The following ZDHHC23 variants were observed in gnomAD, a reference collection of about 807,000 sequenced individuals.
ZDHHC23 encodes the protein zDHHC palmitoyltransferase 23, also known as palmitoyltransferase ZDHHC23.
A neutral mutation model predicts 40.2 loss-of-function variants in ZDHHC23; 41 were observed. That is an observed-to-expected ratio of 1.02 (90% CI 0.79 to 1.32). The LOEUF is 1.32. Among genes scored for constraint, ZDHHC23 ranks in the 40% most tolerant of loss-of-function variants. ZDHHC23 has a pLI of 0.00. For synonymous variants in ZDHHC23, 204 were observed against 210.2 expected (o/e 0.97, Z 0.26); for missense variants, 471 against 541.5 (o/e 0.87, Z 1.29).
rs369800208 is a variant in ZDHHC23 at position 113,959,219 on chromosome 3, A to G, written c.*589A>G. ...TTTATAGTCTAGAATATTGAAGCCA[A>G]TATTATTAGGGTAATCAGTTTTCAG... On this transcript the variant is annotated 3_prime_UTR_variant, in exon 5 of 5. Coordinates refer to ENST00000638807, the MANE Select transcript of ZDHHC23 (RefSeq NM_001320466.2). 9.4e-7 allele frequency: 1 copy of G among 1,065,676 alleles called. No homozygotes were observed. Among genetic ancestry groups the G allele is most frequent in the Admixed American group, 4.5e-5 (1 of 22,402 alleles). 66.0% of individuals were successfully genotyped at this position (1,065,676 alleles called of 1,614,324 possible).
chr3:113,955,980 A>C (rs1939190368), intron 3 of ZDHHC23, among the ~76,000 whole-genome samples: 1 of 152,224 alleles, frequency 6.6e-6, no homozygotes. Context: ...GCAGTGGCTC[A>C]TGCCTGTAAT....
chr3:113,959,937 T>C lies in ZDHHC23; in HGVS notation c.*1307T>C, dbSNP rs1939571460. 2 of 997,218 alleles carry C rather than the reference T, an allele frequency of 2.0e-6. No individual in the cohort carries two copies. Among genetic ancestry groups the C allele is most frequent in the Non-Finnish European group, 2.4e-6 (2 of 834,124 alleles). 61.8% of individuals were successfully genotyped at this position (997,218 alleles called of 1,614,324 possible). A position where few individuals can be genotyped will look rare whatever the true frequency, so the allele number is the denominator to read the frequency against. On this transcript the variant is annotated 3_prime_UTR_variant, in exon 5 of 5. Coordinates refer to ENST00000638807, the MANE Select transcript of ZDHHC23 (RefSeq NM_001320466.2). The stretch of plus-strand genomic sequence containing the variant: ...AAATGTATAAAAGATTAAATATTTA[T>C]GTACAATGGGTTGTTCTACTATAGA...
At chr3:113,978,933 C>T in the ZDHHC23 span, 1 of 1,613,950 alleles carries the variant, frequency 6.2e-7, no homozygotes, top group Non-Finnish European at 8.5e-7. Flanking sequence ...TCTTTCTAGC[C>T]AGACTTTCCT....
rs775201921 is a variant in ZDHHC23, at chr3:113,958,657, G to C, written c.*27G>C. On this transcript the variant is annotated 3_prime_UTR_variant, in exon 5 of 5. Transcript: ENST00000638807. ...GTGCCTTCTATGTGGCTCTCTGAGG[G>C]ATGATGGCTCCTCCTTCCGTCTCCC... The C allele has an allele frequency of 6.3e-7, 1 of 1,593,632 alleles. No individual in the cohort carries two copies. Among genetic ancestry groups the C allele is most frequent in the East Asian group, 2.2e-5 (1 of 44,768 alleles).
At chr3:113,965,150 C>G (rs565629371), downstream of ZDHHC23, 20 of 1,584,758 alleles carry the variant, frequency 1.3e-5, no homozygotes, top group South Asian at 1.7e-4. Context: ...TTACACTAAT[C>G]TGGCTCATTC....
At position 113,956,441 on chromosome 3, in the gene ZDHHC23, C is replaced by T. The variant is rs1414436843; in HGVS notation, c.975C>T (p.Thr325=). The T allele has an allele frequency of 1.2e-6, 2 of 1,614,154 alleles. No homozygotes were observed. The highest frequency in any genetic ancestry group is 1.7e-6 in the Non-Finnish European group (2 of 1,180,038). ...ATGGGATCACACTGACCTTGGACAC[C>T]ATTTGTAGAGACAGAAGTGTCTTCA... ...SVYGITLTLD[T]ICRDRSVFTA... is the part of the protein sequence containing the mutation. The change falls in exon 4 of 5, where the codon ACC becomes ACT. Residue 325 remains threonine (T), a synonymous_variant. Transcript: ENST00000638807.
At position 113,962,316 on chromosome 3, in the gene ZDHHC23, C is replaced by T. The variant is rs570913528; in HGVS notation, c.*3686C>T. ...TATGTTGCTGATAGACAAGCATCCACGCTTCAGCTGGCACTAAGTGTTTTC... is the reference window on the plus strand; with the variant it reads ...TATGTTGCTGATAGACAAGCATCCATGCTTCAGCTGGCACTAAGTGTTTTC... On this transcript the variant is annotated 3_prime_UTR_variant, in exon 5 of 5. Transcript: ENST00000638807. The T allele has an allele frequency of 2.6e-5, 4 of 152,308 alleles. No homozygotes were observed. Among genetic ancestry groups the T allele is most frequent in the East Asian group, 3.9e-4 (2 of 5,180 alleles). The allele number at this position is 152,308 out of a possible 1,614,324, so 9.4% of individuals were successfully genotyped here.
At chr3:113,976,143 C>A in the ZDHHC23 span, among the ~76,000 whole-genome samples, 2 of 152,064 alleles carry the variant, frequency 1.3e-5, no homozygotes, top group East Asian at 3.9e-4. Flanking sequence ...CCGTTAATCC[C>A]AGCTACTTGG....
At chr3:113,955,261 T>C (rs1473345944) in intron 3 of ZDHHC23, among the ~76,000 whole-genome samples, 2 of 152,146 alleles carry the variant, frequency 1.3e-5, no homozygotes, top group East Asian at 3.8e-4. Flanking sequence ...CTCAAGTGCA[T>C]GGCTCAAGTG....
At chr3:113,953,666 T>C (rs747867634) in intron 2 of ZDHHC23, 34 bp from the exon 3 acceptor site, 4 of 1,565,774 alleles carry the variant, frequency 2.6e-6, no homozygotes, top group Non-Finnish European at 2.6e-6. Flanking sequence ...CAAACCCACA[T>C]GAAGTCCCTC....
chr3:113,971,646 T>A, the ZDHHC23 span, among the ~76,000 whole-genome samples: 3 of 152,194 alleles, frequency 2.0e-5, no homozygotes, highest in African/African-American at 7.2e-5. Flanking sequence ...TTTCTTATCA[T>A]GTCCTTGTTT....
chr3:113,948,994 C>A, intron 2 of ZDHHC23, 31 bp downstream of exon 2: 1 of 1,612,452 alleles, frequency 6.2e-7, no homozygotes, highest in Non-Finnish European at 8.5e-7. Context: ...GACGCTGGCC[C>A]CATCACCCTT....
At position 113,954,021 on chromosome 3, in the gene ZDHHC23, C is replaced by T. The variant is rs1938933723; in HGVS notation, c.483C>T (p.Val161=). 6.2e-6 allele frequency: 10 copies of T among 1,614,028 alleles called. No individual in the cohort carries two copies. Among genetic ancestry groups the T allele is most frequent in the African/African-American group, 1.3e-5 (1 of 74,904 alleles). Residue 161 remains valine, a synonymous_variant, in exon 3 of 5, where the codon GTC becomes GTT. Coordinates refer to ENST00000638807, the MANE Select transcript of ZDHHC23 (RefSeq NM_001320466.2). ...ACTATGTGTTCCTGCAGGAAGTGGT[C>T]CCCAAAGGGCGTGTGGGTCCCGTTC... ...YMYYVFLQEV[V]PKGRVGPVQL...
chr3:113,977,483 C>G, the ZDHHC23 span, among the ~76,000 whole-genome samples: 2 of 152,158 alleles, frequency 1.3e-5, no homozygotes, highest in African/African-American at 4.8e-5. Context: ...CTTACTTATA[C>G]AGAATACCTT....
chr3:113,966,092 A>C (rs1407304889), downstream of ZDHHC23, among the ~76,000 whole-genome samples: 2 of 152,158 alleles, frequency 1.3e-5, no homozygotes, highest in Non-Finnish European at 2.9e-5. Context: ...CGCAAAAATG[A>C]TGGAAAATTG....
In ZDHHC23 at chr3:113,953,919, C is replaced by T. The variant is rs142143790; in HGVS notation, c.381C>T (p.Tyr127=). 19 of 1,614,018 alleles carry T rather than the reference C, an allele frequency of 1.2e-5. No individual in the cohort carries two copies. The highest frequency in any genetic ancestry group is 1.6e-5 in the Non-Finnish European group (19 of 1,180,022). Reference sequence around the variant, plus strand: ...CCCTTCCTGTGCTGGCACTGTGGTACTACTACCTCACTCACAGAAGGAAAG... The same window carrying T: ...CCCTTCCTGTGCTGGCACTGTGGTATTACTACCTCACTCACAGAAGGAAAG... The part of the protein sequence containing the change: ...LTSLPVLALW[Y]YYLTHRRKEQ... The change falls in exon 3 of 5, where the codon TAC becomes TAT. Residue 127 remains tyrosine, a synonymous_variant. Transcript: ENST00000638807.
chr3:113,978,461 G>C, the ZDHHC23 span: 1 of 928,472 alleles, frequency 1.1e-6, no homozygotes, highest in South Asian at 1.8e-5. Context: ...ACAAAGAAAA[G>C]GATAACCTGG....
At position 113,954,086 on chromosome 3, in the gene ZDHHC23, T is replaced by C. The variant is rs956177291; in HGVS notation, c.548T>C (p.Leu183Ser). 2 of 1,614,194 alleles carry C rather than the reference T, an allele frequency of 1.2e-6. No individual in the cohort carries two copies. The highest frequency in any genetic ancestry group is 3.3e-5 in the Admixed American group (2 of 60,026). ...ACCTGCGGGTTATTTCTGATACTCT[T>C]AGCCTTGCACAGAGCCAAGAAGAAT... ...VLTCGLFLIL[L>S]ALHRAKKNPG... The change falls in exon 3 of 5, where the codon TTA (leucine) becomes TCA (serine). Residue 183 changes from leucine (L) to serine (S), a missense_variant. Physicochemically the swap from Leu to Ser is moderately radical, Grantham distance 145. Transcript: ENST00000638807.
At position 113,959,813 on chromosome 3, in the gene ZDHHC23, A is replaced by G; in HGVS notation, c.*1183A>G. ...TAACAGTATCTCACTAAGAGAGAAG[A>G]AACAGGGTATATGTGGTTTCCACTA... On this transcript the variant is annotated 3_prime_UTR_variant, in exon 5 of 5. Coordinates refer to ENST00000638807, the MANE Select transcript of ZDHHC23 (RefSeq NM_001320466.2). 1 of 1,052,170 alleles carries G rather than the reference A, an allele frequency of 9.5e-7. No individual in the cohort carries two copies. Among genetic ancestry groups the G allele is most frequent in the Non-Finnish European group, 1.2e-6 (1 of 861,958 alleles). 65.2% of individuals were successfully genotyped at this position (1,052,170 alleles called of 1,614,324 possible).
Sources: allele counts gnomAD v4.1 joint callset (sites outside exome capture counted in the v4.1 genomes callset), GRCh38; gene constraint gnomAD v4.1.1; transcripts MANE v1.5; gene names NCBI Gene and HGNC (gene_info 2026-07-23, HGNC 2026-07-21).